SGPP2: variants seen among roughly 807,000 people sequenced by gnomAD.
SGPP2 encodes sphingosine 1-phosphate phosphohydrolase 2.
Under a neutral mutation model 33.9 loss-of-function variants are expected in SGPP2, and 30 were observed. That is an observed-to-expected ratio of 0.89 (90% CI 0.66 to 1.20). SGPP2 has a LOEUF of 1.20. SGPP2 is among the 50% of genes most tolerant of loss of function. The probability of loss-of-function intolerance (pLI) is 0.00; values close to 1 mark genes in which losing one functional copy is unlikely to be tolerated. For missense variants in SGPP2, 458 were observed against 532.1 expected (o/e 0.86, Z 1.37); for synonymous variants, 233 against 225.0 (o/e 1.04, Z -0.32).
chr2:222,429,577 T>A (rs1484523621), intron 1 of SGPP2, among the ~76,000 whole-genome samples: 1 of 152,218 alleles, frequency 6.6e-6, no homozygotes, highest in African/African-American at 2.4e-5. Context: ...GCTAATCACT[T>A]AGTAAATGTT....
intron 1 of SGPP2, among the ~76,000 whole-genome samples, chr2:222,428,217 A>C (rs1697100502): frequency 6.6e-6 from 1 of 152,060 alleles, no homozygotes; most frequent in Non-Finnish European, 1.5e-5. Context: ...AGGGTATCTG[A>C]CTTGCAAGAG....
chr2:222,538,284 A>C (rs528164750), intron 4 of SGPP2, among the ~76,000 whole-genome samples: 14 of 152,350 alleles, frequency 9.2e-5, no homozygotes, highest in African/African-American at 3.4e-4. Context: ...AACAAAAAAG[A>C]GTAACTTTTA....
At chr2:222,530,673 C>T (rs1027536211) in intron 4 of SGPP2, among the ~76,000 whole-genome samples, 5 of 152,126 alleles carry the variant, frequency 3.3e-5, no homozygotes, top group African/African-American at 1.2e-4. Context: ...CTAACCAGGC[C>T]ACTCAAACTT....
At position 222,424,668 on chromosome 2, in the gene SGPP2, G is replaced by C; in HGVS notation, c.66G>C (p.Gly22=). Residue 22 remains glycine (G), a synonymous_variant, in exon 1 of 5, where the codon GGG becomes GGC. Coordinates refer to ENST00000321276, the MANE Select transcript of SGPP2 (RefSeq NM_152386.4). ...TCGCCCGCTTCCAGCGCCGCTGCGGGCTCTTCCCCGCTCCGGATGAAGGCC... is the reference window on the plus strand; with the variant it reads ...TCGCCCGCTTCCAGCGCCGCTGCGGCCTCTTCCCCGCTCCGGATGAAGGCC... ...QLVARFQRRC[G]LFPAPDEGPR... The C allele has an allele frequency of 2.1e-6, 3 of 1,443,716 alleles. No individual in the cohort carries two copies. The highest frequency in any genetic ancestry group is 2.4e-5 in the Admixed American group (1 of 40,830). 89.4% of individuals were successfully genotyped at this position (1,443,716 alleles called of 1,614,324 possible).
chr2:222,535,866 T>G (rs1007383303), intron 4 of SGPP2, among the ~76,000 whole-genome samples: 12 of 152,186 alleles, frequency 7.9e-5, no homozygotes, highest in Non-Finnish European at 1.5e-4. Flanking sequence ...AGTGGCTGGT[T>G]TCTCAAAAGA....
chr2:222,525,595 C>T (rs893521430), intron 4 of SGPP2, among the ~76,000 whole-genome samples: 2 of 152,198 alleles, frequency 1.3e-5, no homozygotes, highest in African/African-American at 4.8e-5. Flanking sequence ...TTTTCCAGGG[C>T]CGCCATGATT....
chr2:222,541,343 C>G (rs1427793059), intron 4 of SGPP2, among the ~76,000 whole-genome samples: 1 of 152,166 alleles, frequency 6.6e-6, no homozygotes, highest in Non-Finnish European at 1.5e-5. Context: ...GCAAGAGTAT[C>G]TCAAGACATG....
intron 4 of SGPP2, among the ~76,000 whole-genome samples, chr2:222,551,283 T>C (rs1343371887): frequency 3.9e-5 from 6 of 152,196 alleles, no homozygotes; most frequent in Admixed American, 3.9e-4. Context: ...TGTAGAACCG[T>C]GAACCGTTTT....
intron 1 of SGPP2, among the ~76,000 whole-genome samples, chr2:222,463,038 G>T (rs1011390073): frequency 2.6e-5 from 4 of 152,158 alleles, no homozygotes; most frequent in Non-Finnish European, 4.4e-5. Flanking sequence ...CCTCCCATTG[G>T]GGAACTACAG....
intron 1 of SGPP2, among the ~76,000 whole-genome samples, chr2:222,454,157 G>T (rs191112906): frequency 4.6e-4 from 70 of 152,218 alleles, no homozygotes; most frequent in African/African-American, 1.5e-3. Context: ...TTTACTTCAT[G>T]ATTTTTTTTG....
At chr2:222,489,075 A>T (rs999836324) in intron 2 of SGPP2, among the ~76,000 whole-genome samples, 15 of 152,206 alleles carry the variant, frequency 9.9e-5, no homozygotes, top group Non-Finnish European at 2.1e-4. Flanking sequence ...AAACAAACAA[A>T]GGCTAAATGA....
intron 4 of SGPP2, among the ~76,000 whole-genome samples, chr2:222,530,414 A>G (rs1181645897): frequency 2.0e-5 from 3 of 152,236 alleles, no homozygotes; most frequent in African/African-American, 7.2e-5. Context: ...AGCCACCTTC[A>G]TCAATGACCT....
chr2:222,424,872 G>T (rs1697036784), intron 1 of SGPP2, 51 bp downstream of exon 1: 6 of 1,260,272 alleles, frequency 4.8e-6, no homozygotes, highest in East Asian at 3.2e-5. Context: ...GGCTGCGGAC[G>T]TGCGGGTCCC....
intron 1 of SGPP2, chr2:222,453,211 A>C (rs1369891489): frequency 6.5e-6 from 5 of 774,694 alleles, no homozygotes; most frequent in Non-Finnish European, 1.2e-5. Context: ...CTTCAGGCCC[A>C]CAAATGACAG....
At chr2:222,493,392 G>A (rs751694171) in intron 2 of SGPP2, among the ~76,000 whole-genome samples, 6 of 152,146 alleles carry the variant, frequency 3.9e-5, no homozygotes, top group African/African-American at 7.2e-5. Context: ...TCACTATCAC[G>A]AGAACAGCAT....
intron 1 of SGPP2, among the ~76,000 whole-genome samples, chr2:222,453,384 A>T (rs533758256): frequency 2.0e-5 from 3 of 152,360 alleles, no homozygotes; most frequent in Admixed American, 6.5e-5. Flanking sequence ...GGAAGATCTT[A>T]GAGAAATATG....
At chr2:222,509,719 G>A (rs182008091) in intron 2 of SGPP2, among the ~76,000 whole-genome samples, 1 of 152,284 alleles carries the variant, frequency 6.6e-6, no homozygotes, top group East Asian at 1.9e-4. Flanking sequence ...GGTACACCAG[G>A]ACTTATCTTG....
intron 4 of SGPP2, among the ~76,000 whole-genome samples, chr2:222,531,564 G>C (rs564779413): frequency 1.3e-5 from 2 of 152,280 alleles, no homozygotes; most frequent in Non-Finnish European, 2.9e-5. Context: ...TGTGTATAGA[G>C]TTTCAGTTTT....
At chr2:222,441,933 C>T (rs78029845) in intron 1 of SGPP2, among the ~76,000 whole-genome samples, 4,056 of 152,160 alleles carry the variant, frequency 0.027, 166 homozygotes, top group African/African-American at 0.088. Context: ...CTTTCTTAAA[C>T]GAAACAAAAT....
Sources: gnomAD v4.1 joint callset for allele counts (sites outside exome capture counted in the v4.1 genomes callset) on GRCh38, gnomAD v4.1.1 for gene constraint, MANE v1.5 for transcripts, NCBI Gene and HGNC (gene_info 2026-07-23, HGNC 2026-07-21) for gene names.